ZC3H13: variants seen among roughly 807,000 people sequenced by gnomAD.
ZC3H13 encodes the protein zinc finger CCCH domain-containing protein 13.
A neutral mutation model predicts 204.1 loss-of-function variants in ZC3H13; 64 were observed. That is an observed-to-expected ratio of 0.31 (90% CI 0.26 to 0.39). The LOEUF (loss-of-function observed/expected upper bound fraction) is 0.39, where lower values mean the gene tolerates loss of function less well. Ranked by LOEUF, ZC3H13 falls within the 10% of genes least tolerant of loss-of-function variation. ZC3H13 has a pLI of 1.00. For synonymous variants in ZC3H13, 667 were observed against 693.7 expected (o/e 0.96, Z 0.60); for missense variants, 1,833 against 2,082.7 (o/e 0.88, Z 2.33).
chr13:45,972,718 C>T (rs1952686308), intron 12 of ZC3H13, among the ~76,000 whole-genome samples: 1 of 152,168 alleles, frequency 6.6e-6, no homozygotes, highest in Admixed American at 6.5e-5. Flanking sequence ...TTATCCAAAG[C>T]TCCTCTCCCA....
At chr13:45,996,248 T>C (rs2040327027) in intron 8 of ZC3H13, among the ~76,000 whole-genome samples, 1 of 152,218 alleles carries the variant, frequency 6.6e-6, no homozygotes, top group East Asian at 1.9e-4. Context: ...AAGATCATTA[T>C]AAATATTCAA....
chr13:46,006,348 C>A (rs1050449462), intron 7 of ZC3H13, among the ~76,000 whole-genome samples: 3 of 151,730 alleles, frequency 2.0e-5, no homozygotes, highest in African/African-American at 7.3e-5. Flanking sequence ...CAGTCTCCTG[C>A]AAAAATATAA....
At chr13:46,002,909 T>TA (rs2040851497) in intron 8 of ZC3H13, among the ~76,000 whole-genome samples, 1 of 151,752 alleles carries the variant, frequency 6.6e-6, no homozygotes, top group Non-Finnish European at 1.5e-5. Context: ...ATGGTACATT[T>TA]TGTTTTTTTA....
intron 16 of ZC3H13, among the ~76,000 whole-genome samples, chr13:45,964,966 G>T (rs970230854): frequency 3.3e-5 from 5 of 152,182 alleles, no homozygotes; most frequent in African/African-American, 1.2e-4. Flanking sequence ...CTACCATGTA[G>T]AAAGAACATT....
At chr13:46,022,932 A>T (rs4941539) in intron 4 of ZC3H13, among the ~76,000 whole-genome samples, 114,026 of 152,046 alleles carry the variant, frequency 0.75, 43,254 homozygotes, top group African/African-American at 0.85. Flanking sequence ...AAGTTTTTTG[A>T]ATTTCAGAAA....
intron 15 of ZC3H13, among the ~76,000 whole-genome samples, chr13:45,965,824 T>G (rs1032654462): frequency 3.9e-4 from 60 of 152,146 alleles, no homozygotes; most frequent in African/African-American, 1.4e-3. Context: ...ATTTTCACAA[T>G]TTATCTAAAC....
chr13:46,033,079 C>T (rs1040202477), intron 4 of ZC3H13, among the ~76,000 whole-genome samples: 2 of 151,984 alleles, frequency 1.3e-5, no homozygotes, highest in Admixed American at 6.5e-5. Flanking sequence ...AATCATGGGA[C>T]AGAAGTTAAA....
At chr13:46,013,750 A>G (rs1400575630) in intron 5 of ZC3H13, among the ~76,000 whole-genome samples, 2 of 152,226 alleles carry the variant, frequency 1.3e-5, no homozygotes, top group Non-Finnish European at 2.9e-5. Context: ...ATTGATTCAC[A>G]TAAATGATTG....
At position 46,049,021 on chromosome 13, in the gene ZC3H13, G is replaced by A. The variant is rs182533980; in HGVS notation, c.-10+3383C>T. Among the ~76,000 whole-genome samples the A allele has an allele frequency of 4.4e-3, 662 of 151,666 alleles. 7 individuals are homozygous for A. The highest frequency in any genetic ancestry group is 0.015 in the African/African-American group (623 of 41,326). On this transcript the variant is annotated intron_variant, in intron 1 of 18. Transcript: ENST00000679008. ...ACAAAAATTAGCTGGGTGTGGCGGTGCACGCCTGTAATCCCAGCTACTCGG... is the reference window on the plus strand; with the variant it reads ...ACAAAAATTAGCTGGGTGTGGCGGTACACGCCTGTAATCCCAGCTACTCGG...
At chr13:46,050,039 T>C (rs554617999) in intron 1 of ZC3H13, among the ~76,000 whole-genome samples, 1 of 152,278 alleles carries the variant, frequency 6.6e-6, no homozygotes, top group East Asian at 1.9e-4. Flanking sequence ...AGTGAAAGCC[T>C]ATTTCGTTAT....
intron 5 of ZC3H13, among the ~76,000 whole-genome samples, chr13:46,017,639 C>T (rs2041991727): frequency 1.3e-5 from 2 of 151,780 alleles, no homozygotes; most frequent in African/African-American, 4.8e-5. Context: ...ATAAAATACA[C>T]AAGGATAAAA....
intron 7 of ZC3H13, among the ~76,000 whole-genome samples, chr13:46,005,059 C>T (rs2041033817): frequency 1.3e-5 from 2 of 152,248 alleles, no homozygotes; most frequent in South Asian, 2.1e-4. Flanking sequence ...TAACATTTAA[C>T]GTTGCAGGTC....
At position 46,011,459 on chromosome 13, in the gene ZC3H13, G is replaced by T; in HGVS notation, c.544C>A (p.Gln182Lys). The change falls in exon 6 of 19, where the codon CAA (glutamine) becomes AAA (lysine). Residue 182 changes from glutamine (Q) to lysine (K), a missense_variant. Physicochemically the swap from Gln to Lys is moderately conservative, Grantham distance 53. This residue lies in a region of ZC3H13 where 1,574 missense variants were observed against 1,757.2 expected (regional missense o/e 0.90). Coordinates refer to ENST00000679008, the MANE Select transcript of ZC3H13 (RefSeq NM_001330564.2). ...KIQRELMKLE[Q>K]ENMEKREEII... Reference sequence around the variant, plus strand: ...TCTTCTCTCTTCTCCATGTTTTCTTGTTCCAGCTTCATTAATTCCCTCTGT... The same window carrying T: ...TCTTCTCTCTTCTCCATGTTTTCTTTTTCCAGCTTCATTAATTCCCTCTGT... 6.2e-7 allele frequency: 1 copy of T among 1,603,992 alleles called. No individual in the cohort carries two copies. Among genetic ancestry groups the T allele is most frequent in the Non-Finnish European group, 8.5e-7 (1 of 1,175,788 alleles).
chr13:45,999,059 G>A (rs948316353), intron 8 of ZC3H13, among the ~76,000 whole-genome samples: 2 of 152,246 alleles, frequency 1.3e-5, no homozygotes, highest in South Asian at 2.1e-4. Flanking sequence ...ACAACATAGC[G>A]AGACCTCATC....
chr13:46,001,721 C>A (rs1363904809), intron 8 of ZC3H13, among the ~76,000 whole-genome samples: 1 of 151,264 alleles, frequency 6.6e-6, no homozygotes, highest in Admixed American at 6.6e-5. Context: ...AATAAAAGTA[C>A]AAAGAACCAT....
At position 45,967,488 on chromosome 13, in the gene ZC3H13, C is replaced by A. The variant is rs770718230; in HGVS notation, c.4321+16G>T. On this transcript the variant is annotated intron_variant, in intron 15 of 18. Transcript: ENST00000679008. ...AGAAATAAAGCAGTATCACAGACAACAGAGGTAGCACTCACCTTCCAGACT... is the reference window on the plus strand; with the variant it reads ...AGAAATAAAGCAGTATCACAGACAAAAGAGGTAGCACTCACCTTCCAGACT... The A allele has an allele frequency of 6.6e-7, 1 of 1,522,312 alleles. No individual in the cohort carries two copies. Among genetic ancestry groups the A allele is most frequent in the East Asian group, 2.3e-5 (1 of 43,868 alleles). 94.3% of individuals were successfully genotyped at this position (1,522,312 alleles called of 1,614,324 possible).
intron 10 of ZC3H13, among the ~76,000 whole-genome samples, chr13:45,983,674 G>A (rs12427997): frequency 0.015 from 2,264 of 151,010 alleles, 20 homozygotes; most frequent in South Asian, 0.053. Context: ...TGATCCGCCC[G>A]CCTCGGCCTC....
At chr13:45,993,210 C>CA (rs1411669431) in intron 8 of ZC3H13, among the ~76,000 whole-genome samples, 15 of 151,856 alleles carry the variant, frequency 9.9e-5, no homozygotes, top group South Asian at 2.1e-4. Flanking sequence ...CTGTTAGGTC[C>CA]AAAAAAACAC....
chr13:45,967,829 T>C lies in ZC3H13; in HGVS notation c.3996A>G (p.Pro1332=). 1.2e-6 allele frequency: 2 copies of C among 1,613,852 alleles called. No individual in the cohort carries two copies. The highest frequency in any genetic ancestry group is 1.7e-6 in the Non-Finnish European group (2 of 1,179,910). ...EWDRDADKDW[P]RNRDRDRLRE... Reference sequence around the variant, plus strand: ...GCAATCTATCTCGATCCCTGTTGCGTGGCCAATCTTTATCAGCATCTCGGT... The same window carrying C: ...GCAATCTATCTCGATCCCTGTTGCGCGGCCAATCTTTATCAGCATCTCGGT... Residue 1332 remains proline (P), a synonymous_variant, in exon 15 of 19, where the codon CCA becomes CCG. Transcript: ENST00000679008.
Sources: allele counts gnomAD v4.1 joint callset (sites outside exome capture counted in the v4.1 genomes callset), GRCh38; gene constraint gnomAD v4.1.1; regional missense constraint gnomAD v4.1.1; transcripts MANE v1.5; gene names NCBI Gene and HGNC (gene_info 2026-07-23, HGNC 2026-07-21).